IL1RAPL1: variants seen among roughly 807,000 people sequenced by gnomAD.
IL1RAPL1 encodes interleukin-1 receptor accessory protein-like 1.
A neutral mutation model predicts 48.4 loss-of-function variants in IL1RAPL1; 3 were observed. The observed-to-expected ratio is 0.06, with a 90% CI of 0.03 to 0.16. The LOEUF is 0.16. Among genes scored for constraint, IL1RAPL1 ranks in the 10% least tolerant of loss-of-function variants. The probability of loss-of-function intolerance (pLI) is 1.00; values close to 1 mark genes in which losing one functional copy is unlikely to be tolerated. For missense variants in IL1RAPL1, 349 were observed against 530.6 expected, an observed-to-expected ratio of 0.66 and a Z score of 3.36; for synonymous variants, 185 against 187.7, an observed-to-expected ratio of 0.99 and a Z score of 0.12.
chrX:29,673,719 GATAA>G, intron 6 of IL1RAPL1, among the ~76,000 whole-genome samples: 1 of 111,590 alleles, frequency 9.0e-6, no homozygotes, highest in Non-Finnish European at 1.9e-5. Context: ...ACCATGGAAA[GATAA>G]ATAAAGACTG....
At chrX:29,448,644 G>T (rs1161111658) in intron 5 of IL1RAPL1, among the ~76,000 whole-genome samples, 1 of 112,240 alleles carries the variant, frequency 8.9e-6, no homozygotes, top group African/African-American at 3.2e-5. Flanking sequence ...AGGTATTTCA[G>T]TTCTCAGAGG....
At chrX:28,900,214 T>C (rs1923038226) in intron 2 of IL1RAPL1, among the ~76,000 whole-genome samples, 1 of 112,227 alleles carries the variant, frequency 8.9e-6, no homozygotes, top group Non-Finnish European at 1.9e-5. Flanking sequence ...AAGACATTTT[T>C]AATCATTTTG....
At chrX:28,957,541 C>T (rs1479650315) in intron 2 of IL1RAPL1, among the ~76,000 whole-genome samples, 1 of 111,805 alleles carries the variant, frequency 8.9e-6, no homozygotes, top group Non-Finnish European at 1.9e-5. Flanking sequence ...TTACTGCCTT[C>T]AACATTCATT....
intron 2 of IL1RAPL1, among the ~76,000 whole-genome samples, chrX:28,846,683 G>A (rs1266983711): frequency 8.9e-6 from 1 of 111,904 alleles, no homozygotes; most frequent in Non-Finnish European, 1.9e-5. Context: ...AAATCATATA[G>A]CATTGGAAGG....
At chrX:28,821,295 A>G (rs1170701722) in intron 2 of IL1RAPL1, among the ~76,000 whole-genome samples, 2 of 111,133 alleles carry the variant, frequency 1.8e-5, no homozygotes, top group African/African-American at 6.5e-5. Context: ...TCTGAACATT[A>G]TCTATATTTA....
chrX:29,205,890 A>G (rs928012870), intron 2 of IL1RAPL1, among the ~76,000 whole-genome samples: 3 of 102,803 alleles, frequency 2.9e-5, no homozygotes, highest in African/African-American at 1.1e-4. Context: ...GCATGCCACA[A>G]CACCCAGCTA....
chrX:28,837,288 T>G (rs1921245641), intron 2 of IL1RAPL1, among the ~76,000 whole-genome samples: 1 of 110,739 alleles, frequency 9.0e-6, no homozygotes, highest in African/African-American at 3.3e-5. Context: ...TCTTTTAACC[T>G]ACTTCCAAAT....
At chrX:29,785,312 A>G (rs996604295) in intron 6 of IL1RAPL1, among the ~76,000 whole-genome samples, 3 of 112,541 alleles carry the variant, frequency 2.7e-5, no homozygotes, top group African/African-American at 9.7e-5. Flanking sequence ...TATTATACAC[A>G]TGTTAGAAAG....
intron 6 of IL1RAPL1, among the ~76,000 whole-genome samples, chrX:29,761,630 T>C (rs1340741132): frequency 8.9e-6 from 1 of 112,088 alleles, no homozygotes; most frequent in Non-Finnish European, 1.9e-5. Context: ...ATTTATTAAA[T>C]CACTAATGTA....
intron 2 of IL1RAPL1, among the ~76,000 whole-genome samples, chrX:28,904,361 T>A (rs1043104710): frequency 9.0e-6 from 1 of 111,661 alleles, no homozygotes; most frequent in Non-Finnish European, 1.9e-5. Context: ...AAATACTGTG[T>A]GGAACTCAAA....
Position 29,602,434 on chromosome X carries a change from AT to A in IL1RAPL1, c.704-65995del, listed in dbSNP as rs1320141682. ...ATTATTCTCTTAAAAATACAAAAAA[AT>A]ACAAAAATAAAAATAAAAACCCACA... On this transcript the variant is annotated intron_variant, in intron 5 of 10. Coordinates refer to ENST00000378993, the MANE Select transcript of IL1RAPL1 (RefSeq NM_014271.4). Among the ~76,000 whole-genome samples the A allele has an allele frequency of 3.6e-5, 4 of 112,105 alleles. No individual in the cohort carries two copies. The South Asian group carries it at 1.5e-3, about 42-fold the overall frequency.
chrX:29,533,308 T>C (rs1018590733), intron 5 of IL1RAPL1, among the ~76,000 whole-genome samples: 8 of 112,122 alleles, frequency 7.1e-5, no homozygotes, highest in African/African-American at 2.6e-4. Flanking sequence ...TACTCTACTT[T>C]CTGTTCCTGA....
At chrX:29,122,360 G>C (rs1201773684) in intron 2 of IL1RAPL1, among the ~76,000 whole-genome samples, 1 of 108,074 alleles carries the variant, frequency 9.3e-6, no homozygotes, top group Non-Finnish European at 1.9e-5. Flanking sequence ...AATAGTCATA[G>C]AAATTGATTT....
At chrX:29,077,123 A>G (rs1218451543) in intron 2 of IL1RAPL1, among the ~76,000 whole-genome samples, 2 of 112,290 alleles carry the variant, frequency 1.8e-5, no homozygotes, top group African/African-American at 3.2e-5. Context: ...TATGGCCTCG[A>G]AGGCCATGTT....
chrX:29,911,951 T>C (rs1932759510), intron 6 of IL1RAPL1, among the ~76,000 whole-genome samples: 1 of 112,420 alleles, frequency 8.9e-6, no homozygotes, highest in South Asian at 3.7e-4. Flanking sequence ...AGTACACTAT[T>C]GTATAGTATT....
At chrX:29,109,552 T>A (rs191987577) in intron 2 of IL1RAPL1, among the ~76,000 whole-genome samples, 26 of 111,204 alleles carry the variant, frequency 2.3e-4, no homozygotes, top group African/African-American at 8.5e-4. Flanking sequence ...CTTGATATAA[T>A]TTTTGACCGA....
At chrX:29,563,299 A>G (rs1287881037) in intron 5 of IL1RAPL1, among the ~76,000 whole-genome samples, 1 of 112,061 alleles carries the variant, frequency 8.9e-6, no homozygotes, top group Non-Finnish European at 1.9e-5. Flanking sequence ...CAAGTAATTT[A>G]ATTTTTGTCC....
At chrX:29,493,697 TCAGGGGATACATGTG>T (rs1457478525) in intron 5 of IL1RAPL1, among the ~76,000 whole-genome samples, 1 of 111,004 alleles carries the variant, frequency 9.0e-6, no homozygotes, top group Non-Finnish European at 1.9e-5. Flanking sequence ...TATTTTAGAG[TCAGGGGATACATGTG>T]CAGGTTTGTT....
chrX:29,073,759 T>C (rs756190323), intron 2 of IL1RAPL1, among the ~76,000 whole-genome samples: 2 of 111,716 alleles, frequency 1.8e-5, no homozygotes, highest in East Asian at 5.6e-4. Flanking sequence ...TTTCTTCATA[T>C]TTATCTTTCC....
Sources: allele counts gnomAD v4.1 joint callset (sites outside exome capture counted in the v4.1 genomes callset), GRCh38; gene constraint gnomAD v4.1.1; transcripts MANE v1.5; gene names NCBI Gene and HGNC (gene_info 2026-07-23, HGNC 2026-07-21).